Variants in CA2 observed in about 807,000 individuals in gnomAD.
CA2 encodes the protein carbonate dehydratase II.
In CA2, 23 loss-of-function variants were observed where a neutral mutation model predicts 27.8. That is an observed-to-expected ratio of 0.83 (90% CI 0.59 to 1.17). CA2 has a LOEUF of 1.17. Among genes scored for constraint, CA2 ranks in the 50% most tolerant of loss-of-function variants. The pLI, the probability that CA2 is intolerant of heterozygous loss-of-function variation, is 0.00. For missense variants in CA2, 300 were observed against 314.7 expected, an observed-to-expected ratio of 0.95 and a Z score of 0.35; for synonymous variants, 99 against 114.9, an observed-to-expected ratio of 0.86 and a Z score of 0.88.
At chr8:85,465,180 G>T in intron 1 of CA2, 92 bp from the exon 2 acceptor site, 1 of 1,031,026 alleles carries the variant, frequency 9.7e-7, no homozygotes, top group South Asian at 1.3e-5. Context: ...AATTGGAACT[G>T]AGCAGATTGG....
intron 1 of CA2, 31 bp downstream of exon 1, chr8:85,464,146 G>GCCCCGATCCCCGAT (rs553482175): frequency 1.1e-5 from 16 of 1,512,462 alleles, no homozygotes; most frequent in Admixed American, 6.0e-5. Context: ...GCGCGGGGGC[G>GCCCCGATCCCCGAT]CCCCGATCCC....
intron 2 of CA2, among the ~76,000 whole-genome samples, chr8:85,466,493 G>C (rs1811633061): frequency 6.6e-6 from 1 of 151,826 alleles, no homozygotes; most frequent in Non-Finnish European, 1.5e-5. Flanking sequence ...AGTCAACTTG[G>C]TTTTGAAAAA....
chr8:85,471,653 G>T (rs1811714582), intron 2 of CA2, among the ~76,000 whole-genome samples: 1 of 152,008 alleles, frequency 6.6e-6, no homozygotes, highest in Non-Finnish European at 1.5e-5. Flanking sequence ...TTACCACTTG[G>T]TAGAGTTAAT....
chr8:85,476,206 T>C (rs1242446011), intron 5 of CA2, among the ~76,000 whole-genome samples: 2 of 152,224 alleles, frequency 1.3e-5, no homozygotes, highest in African/African-American at 4.8e-5. Context: ...AAGTATGTAC[T>C]ATGTGCCAGT....
chr8:85,464,381 G>A, intron 1 of CA2: 1 of 432,504 alleles, frequency 2.3e-6, no homozygotes, highest in Admixed American at 4.6e-5. Context: ...CCCGAGGGAG[G>A]GGAGGCGCAG....
intron 2 of CA2, among the ~76,000 whole-genome samples, chr8:85,467,494 T>G (rs144554123): frequency 5.4e-4 from 83 of 152,372 alleles, no homozygotes; most frequent in African/African-American, 1.7e-3. Flanking sequence ...TGTCACAACT[T>G]GAACCCTTCG....
Position 85,465,439 on chromosome 8 carries a change from G to A in CA2, c.202G>A (p.Val68Met). The change falls in exon 2 of 7, where the codon GTG (valine) becomes ATG (methionine). Residue 68 changes from valine (V) to methionine (M), a missense_variant. Val to Met is a conservative substitution (Grantham distance 21). This residue lies in a region of CA2 where 122 missense variants were observed against 133.2 expected (regional missense o/e 0.92). Transcript: ENST00000285379. ...RILNNGHAFNVEFDDSQDKAV... is the reference protein window; with the variant it reads ...RILNNGHAFNMEFDDSQDKAV... ...CCTCAACAATGGTCATGCTTTCAAC[G>A]TGGAGTTTGATGACTCTCAGGACAA... The A allele has an allele frequency of 6.2e-7, 1 of 1,614,130 alleles. No homozygotes were observed. Among genetic ancestry groups the A allele is most frequent in the East Asian group, 2.2e-5 (1 of 44,882 alleles).
chr8:85,467,003 G>A (rs1262188296), intron 2 of CA2, among the ~76,000 whole-genome samples: 1 of 152,134 alleles, frequency 6.6e-6, no homozygotes, highest in African/African-American at 2.4e-5. Flanking sequence ...TTAGTCTGTA[G>A]CTGTACTTTT....
At chr8:85,468,782 C>CCACA (rs112532869) in intron 2 of CA2, among the ~76,000 whole-genome samples, 57 of 149,782 alleles carry the variant, frequency 3.8e-4, no homozygotes, top group South Asian at 3.2e-3. Flanking sequence ...AAACAAAAAA[C>CCACA]CACACACACA....
At chr8:85,477,348 T>A (rs896335978) in intron 6 of CA2, 73 bp downstream of exon 6, 2 of 1,544,102 alleles carry the variant, frequency 1.3e-6, no homozygotes, top group African/African-American at 2.7e-5. Context: ...GCCTCCAGAG[T>A]GAGAGAGAAC....
chr8:85,473,602 T>C (rs1051322137), intron 2 of CA2, 91 bp from the exon 3 acceptor site: 1 of 720,682 alleles, frequency 1.4e-6, no homozygotes, highest in African/African-American at 1.8e-5. Flanking sequence ...ATGTGTTTCA[T>C]GTGTGTGTAT....
Position 85,465,264 on chromosome 8 carries a change from T to TC in CA2, c.35-3dup, listed in dbSNP as rs1484651471. On this transcript the variant is annotated splice_region_variant and splice_polypyrimidine_tract_variant and intron_variant, in intron 1 of 6. Transcript: ENST00000285379. ...CAATGGGGGATTCACATGTCTTCTT[T>TC]CCCCCAGGACCTGAGCACTGGCATA... 1 of 1,612,762 alleles carries TC rather than the reference T, an allele frequency of 6.2e-7. No individual in the cohort carries two copies. Among genetic ancestry groups the TC allele is most frequent in the East Asian group, 2.2e-5 (1 of 44,884 alleles).
chr8:85,474,122 G>C (rs542882981), intron 3 of CA2: 1 of 626,600 alleles, frequency 1.6e-6, no homozygotes, highest in Non-Finnish European at 2.8e-6. Context: ...ATTTGTCTTA[G>C]AGTTATTGAT....
In CA2 at chr8:85,466,634, C is replaced by T. The variant is rs182322866; in HGVS notation, c.232+1165C>T. Among the ~76,000 whole-genome samples, 3 of 151,340 alleles carry T rather than the reference C, an allele frequency of 2.0e-5. No homozygotes were observed. The East Asian group carries it at 5.8e-4, about 29-fold the overall frequency. On this transcript the variant is annotated intron_variant, in intron 2 of 6. Transcript: ENST00000285379. ...GAGAAATGTTTTCAACCTACCTGTG[C>T]CTGTCTGTGTGCACCCCTCCCCAGT...
chr8:85,465,491 T>C (rs779670986), intron 2 of CA2, 22 bp downstream of exon 2: 2 of 1,597,388 alleles, frequency 1.3e-6, no homozygotes, highest in Non-Finnish European at 1.7e-6. Context: ...GAAAATAACT[T>C]GTGTCTTTTA....
rs762137758 is a variant in CA2 at position 85,474,314 on chromosome 8, T to C, written c.352-10T>C. The C allele has an allele frequency of 3.1e-6, 5 of 1,609,074 alleles. No homozygotes were observed. In the Admixed American group the frequency reaches 8.3e-5, roughly 27 times the overall value. ...AATCACTCACTGTGGCTTTGTCTCT[T>C]CGGCCTTAGCTTCACTTGGTTCACT... On this transcript the variant is annotated splice_polypyrimidine_tract_variant and intron_variant, in intron 3 of 6. Transcript: ENST00000285379.
intron 6 of CA2, among the ~76,000 whole-genome samples, chr8:85,478,330 C>A (rs375715215): frequency 6.6e-5 from 10 of 152,192 alleles, no homozygotes; most frequent in African/African-American, 2.4e-4. Context: ...CAAAGTGGGC[C>A]TAAAAAATAG....
At chr8:85,471,997 T>G (rs1811720050) in intron 2 of CA2, among the ~76,000 whole-genome samples, 1 of 152,184 alleles carries the variant, frequency 6.6e-6, no homozygotes, top group Non-Finnish European at 1.5e-5. Context: ...GTTTTCATTC[T>G]TCCTTTTTTC....
chr8:85,470,046 C>T (rs1811692182), intron 2 of CA2, among the ~76,000 whole-genome samples: 1 of 152,184 alleles, frequency 6.6e-6, no homozygotes, highest in Admixed American at 6.5e-5. Flanking sequence ...CCTTAAATAT[C>T]TAGAAAATGG....
Sources: allele counts gnomAD v4.1 joint callset (sites outside exome capture counted in the v4.1 genomes callset), GRCh38; gene constraint gnomAD v4.1.1; regional missense constraint gnomAD v4.1.1; transcripts MANE v1.5; gene names NCBI Gene and HGNC (gene_info 2026-07-23, HGNC 2026-07-21).